Variants in CNNM2 observed in about 807,000 individuals in gnomAD.
CNNM2 encodes cyclin and CBS domain divalent metal cation transport mediator 2.
In CNNM2, 12 loss-of-function variants were observed where a neutral mutation model predicts 66.9. That is an observed-to-expected ratio of 0.18 (90% confidence interval 0.11 to 0.29). The LOEUF (loss-of-function observed/expected upper bound fraction) is 0.29. CNNM2 is among the 10% of genes least tolerant of loss of function. CNNM2 has a pLI of 1.00. For synonymous variants in CNNM2, 557 were observed against 501.8 expected (o/e 1.11, Z -1.47); for missense variants, 705 against 1,167.7 (o/e 0.60, Z 5.77).
chr10:103,075,342 T>C (rs1008006071), intron 6 of CNNM2, among the ~76,000 whole-genome samples: 1 of 152,208 alleles, frequency 6.6e-6, no homozygotes, highest in Admixed American at 6.5e-5. Context: ...GGGCATTTTT[T>C]AATGACGTTT....
At chr10:102,931,846 TAAA>T (rs774895232) in intron 1 of CNNM2, among the ~76,000 whole-genome samples, 7 of 128,048 alleles carry the variant, frequency 5.5e-5, no homozygotes, top group Admixed American at 8.1e-5. Flanking sequence ...TTGTTATTGT[TAAA>T]AAAAAAAAAA....
At chr10:102,960,897 G>GT (rs202024113) in intron 1 of CNNM2, among the ~76,000 whole-genome samples, 43,067 of 138,632 alleles carry the variant, frequency 0.31, 6,542 homozygotes, top group Non-Finnish European at 0.36. Flanking sequence ...GTGATTCTCT[G>GT]TTTTTTTTTT....
intron 1 of CNNM2, among the ~76,000 whole-genome samples, chr10:102,982,205 C>T (rs1258230503): frequency 6.6e-6 from 1 of 152,040 alleles, no homozygotes; most frequent in Non-Finnish European, 1.5e-5. Flanking sequence ...GTAAGATTCT[C>T]CTTTAAATCT....
chr10:102,919,065 C>G lies in CNNM2; in HGVS notation c.585C>G (p.Leu195=), dbSNP rs1223626683. The G allele has an allele frequency of 6.2e-7, 1 of 1,612,160 alleles. No individual in the cohort carries two copies. Among genetic ancestry groups the G allele is most frequent in the African/African-American group, 1.3e-5 (1 of 74,890 alleles). ...AGTCCTATTACCTGTGCACGTCGCTCTCCACGCCCGCCCTGGGCGCCGGCG... is the reference window on the plus strand; with the variant it reads ...AGTCCTATTACCTGTGCACGTCGCTGTCCACGCCCGCCCTGGGCGCCGGCG... ...KSKSYYLCTS[L]STPALGAGGS... The change falls in exon 1 of 8, where the codon CTC becomes CTG. Residue 195 remains leucine, a synonymous_variant. Transcript: ENST00000369878.
chr10:102,995,992 G>T (rs1256478967), intron 1 of CNNM2, among the ~76,000 whole-genome samples: 1 of 152,184 alleles, frequency 6.6e-6, no homozygotes, highest in African/African-American at 2.4e-5. Context: ...GAGCCACCGT[G>T]CCTGGCCTCA....
chr10:102,939,668 T>C (rs1034834008), intron 1 of CNNM2, among the ~76,000 whole-genome samples: 13 of 152,184 alleles, frequency 8.5e-5, no homozygotes, highest in African/African-American at 3.1e-4. Flanking sequence ...TCCATAAGCA[T>C]GTATTTAGCA....
intron 1 of CNNM2, chr10:102,920,962 T>G (rs985177265): frequency 1.3e-5 from 5 of 385,962 alleles, no homozygotes; most frequent in African/African-American, 4.4e-5. Flanking sequence ...TGGGGCTTAT[T>G]TATTTCTTGA....
chr10:103,049,917 T>G (rs1006360271), intron 2 of CNNM2, 67 bp downstream of exon 2: 6 of 1,501,484 alleles, frequency 4.0e-6, no homozygotes, highest in Non-Finnish European at 5.5e-6. Flanking sequence ...TTTGTGAGTC[T>G]TCTGACGTTT....
At chr10:103,008,484 A>G (rs1457426444) in intron 1 of CNNM2, among the ~76,000 whole-genome samples, 1 of 152,176 alleles carries the variant, frequency 6.6e-6, no homozygotes, top group Non-Finnish European at 1.5e-5. Flanking sequence ...ATGAGTTTCA[A>G]GTGTTTAACT....
chr10:103,068,931 G>A (rs1212458465), intron 5 of CNNM2, among the ~76,000 whole-genome samples: 1 of 152,092 alleles, frequency 6.6e-6, no homozygotes, highest in African/African-American at 2.4e-5. Context: ...CGTGTAAAGT[G>A]GCACCCAGAC....
intron 1 of CNNM2, among the ~76,000 whole-genome samples, chr10:102,924,721 G>A (rs773417371): frequency 6.6e-5 from 10 of 151,586 alleles, no homozygotes; most frequent in Non-Finnish European, 1.0e-4. Context: ...CCTCCCATCT[G>A]AGCCTTCCAA....
At chr10:103,061,758 C>T (rs2134349395) in intron 4 of CNNM2, among the ~76,000 whole-genome samples, 1 of 152,218 alleles carries the variant, frequency 6.6e-6, no homozygotes, top group South Asian at 2.1e-4. Context: ...GCAACACACA[C>T]CCAGGGTTAC....
In CNNM2 at chr10:102,919,734, C is replaced by T. The variant is rs145459414; in HGVS notation, c.1254C>T (p.Leu418=). ...ACCGGGAAAAACTGCTGGAGATGCT[C>T]CGGGTCACCGATCCCTACAACGACC... ...VYNREKLLEM[L]RVTDPYNDLV... The change falls in exon 1 of 8, where the codon CTC becomes CTT. Residue 418 remains leucine, a synonymous_variant. Coordinates refer to ENST00000369878, the MANE Select transcript of CNNM2 (RefSeq NM_017649.5). 6.2e-7 allele frequency: 1 copy of T among 1,614,222 alleles called. No individual in the cohort carries two copies. The highest frequency in any genetic ancestry group is 1.1e-5 in the South Asian group (1 of 91,078).
rs186277895 is a variant in CNNM2 at position 103,033,893 on chromosome 10, C to T, written c.1622-15814C>T. Among the ~76,000 whole-genome samples, 213 of 152,294 alleles carry T rather than the reference C, an allele frequency of 1.4e-3. 1 individual carries two copies. The highest frequency in any genetic ancestry group is 4.6e-3 in the African/African-American group (192 of 41,566). On this transcript the variant is annotated intron_variant, in intron 1 of 7. Coordinates refer to ENST00000369878, the MANE Select transcript of CNNM2 (RefSeq NM_017649.5). ...AACACTGGGTTTTAAAAGTTGTTTG[C>T]ATCTTTTTTCTCCTCTATAATGAAG... is the stretch of plus-strand genomic sequence containing the variant.
intron 1 of CNNM2, among the ~76,000 whole-genome samples, chr10:102,954,818 A>T (rs1014402386): frequency 7.9e-5 from 12 of 152,160 alleles, no homozygotes; most frequent in African/African-American, 2.9e-4. Context: ...GAAGGACCTT[A>T]AAAGGTGGTA....
chr10:102,938,376 G>A (rs1388643388), intron 1 of CNNM2, among the ~76,000 whole-genome samples: 7 of 151,488 alleles, frequency 4.6e-5, no homozygotes, highest in Non-Finnish European at 1.0e-4. Context: ...CCCAGGAGGC[G>A]GCGCTTGCAG....
chr10:102,935,680 C>A (rs570521111), intron 1 of CNNM2, among the ~76,000 whole-genome samples: 2 of 147,256 alleles, frequency 1.4e-5, no homozygotes, highest in East Asian at 4.0e-4. Flanking sequence ...AATCACAGCT[C>A]ACTGCAGCCC....
chr10:102,955,460 A>G (rs1846998895), intron 1 of CNNM2, among the ~76,000 whole-genome samples: 1 of 152,242 alleles, frequency 6.6e-6, no homozygotes, highest in Non-Finnish European at 1.5e-5. Flanking sequence ...GGATATAGGC[A>G]TGGGCAAGAA....
Position 103,029,823 on chromosome 10 carries a change from G to A in CNNM2, c.1622-19884G>A, listed in dbSNP as rs11191522. ...GGAGGTTGCAGTGAGCCAAGATCAC[G>A]CCACTGCACTCTAGCCTGGGAGACA... On this transcript the variant is annotated intron_variant, in intron 1 of 7. Transcript: ENST00000369878. 0.093 allele frequency among the ~76,000 whole-genome samples: 14,124 copies of A among 151,090 alleles called. 868 individuals carry two copies. Among genetic ancestry groups the A allele is most frequent in the East Asian group, 0.28 (1,405 of 5,090 alleles).
Sources: allele counts gnomAD v4.1 joint callset (sites outside exome capture counted in the v4.1 genomes callset), GRCh38; gene constraint gnomAD v4.1.1; transcripts MANE v1.5; gene names NCBI Gene and HGNC (gene_info 2026-07-23, HGNC 2026-07-21).